Variants in VWA3B observed in about 807,000 individuals in gnomAD.
The protein encoded by VWA3B is von Willebrand factor A domain-containing protein 3B.
Under a neutral mutation model 158.3 loss-of-function variants are expected in VWA3B, and 138 were observed. That is an observed-to-expected ratio of 0.87 (90% confidence interval 0.76 to 1.00). The LOEUF (loss-of-function observed/expected upper bound fraction) is 1.00. VWA3B is among the 50% of genes least tolerant of loss of function. VWA3B has a pLI of 0.00. For synonymous variants in VWA3B, 596 were observed against 587.3 expected (o/e 1.01, Z -0.21); for missense variants, 1,555 against 1,565.1 (o/e 0.99, Z 0.11).
chr2:98,218,847 T>G (rs1684249984), intron 14 of VWA3B, among the ~76,000 whole-genome samples: 1 of 152,218 alleles, frequency 6.6e-6, no homozygotes, highest in East Asian at 1.9e-4. Context: ...ACCAGTGCTT[T>G]AAGCTCACAG....
chr2:98,137,948 C>G (rs551564218), intron 7 of VWA3B, among the ~76,000 whole-genome samples: 1 of 152,190 alleles, frequency 6.6e-6, no homozygotes, highest in African/African-American at 2.4e-5. Flanking sequence ...ATTTTTTCAA[C>G]TACTTTAGTG....
chr2:98,206,706 T>C (rs543838049), intron 12 of VWA3B: 1 of 328,572 alleles, frequency 3.0e-6, no homozygotes. Flanking sequence ...GTGGCTAGTA[T>C]CAAAGTTGTG....
intron 2 of VWA3B, among the ~76,000 whole-genome samples, chr2:98,098,246 TTAAATC>T (rs1682848761): frequency 6.6e-6 from 1 of 152,154 alleles, no homozygotes; most frequent in African/African-American, 2.4e-5. Context: ...AGAGTTCAGT[TTAAATC>T]TAACATTTTC....
intron 7 of VWA3B, among the ~76,000 whole-genome samples, chr2:98,141,295 AGAG>A (rs1158000249): frequency 6.6e-6 from 1 of 152,202 alleles, no homozygotes; most frequent in Admixed American, 6.5e-5. Context: ...TATAAAGAAA[AGAG>A]GTTTATTAGG....
chr2:98,092,860 A>ATATG lies in VWA3B; in HGVS notation c.-32-201_-32-200insTATG, dbSNP rs1553633936. ...TATATATATATATATATATATATAT[A>ATATG]GTTGAATATTGAACTTTATGGATAC... is the stretch of plus-strand genomic sequence containing the variant. On this transcript the variant is annotated intron_variant, in intron 1 of 27. Coordinates refer to ENST00000477737, the MANE Select transcript of VWA3B (RefSeq NM_144992.5). Among the ~76,000 whole-genome samples, 459 of 118,490 alleles carry ATATG rather than the reference A, an allele frequency of 3.9e-3. 1 individual carries two copies. The highest frequency in any genetic ancestry group is 6.1e-3 in the Non-Finnish European group (346 of 56,784). 77.7% of individuals were successfully genotyped at this position (118,490 alleles called of 152,430 possible). A position where few individuals can be genotyped will look rare whatever the true frequency, so the allele number is the denominator to read the frequency against.
At chr2:98,277,179 A>T (rs1397580657) in intron 22 of VWA3B, among the ~76,000 whole-genome samples, 1 of 152,060 alleles carries the variant, frequency 6.6e-6, no homozygotes, top group African/African-American at 2.4e-5. Context: ...GTCCCTGGAG[A>T]TGGCCACTTG....
the VWA3B span, among the ~76,000 whole-genome samples, chr2:98,329,334 T>C: frequency 3.9e-5 from 6 of 152,210 alleles, no homozygotes; most frequent in Non-Finnish European, 8.8e-5. Flanking sequence ...AAAATTGATG[T>C]TTGTCTCCAT....
rs554628107 is a variant in VWA3B, at chr2:98,303,237, GA to G, written c.3421-464del. On this transcript the variant is annotated intron_variant, in intron 25 of 27. Coordinates refer to ENST00000477737, the MANE Select transcript of VWA3B (RefSeq NM_144992.5). ...CTTACCTACAGGACATGGGGCCCTG[GA>G]GGCTAGAGTGGCATGGCCGGGGGCG... 7.0e-4 allele frequency among the ~76,000 whole-genome samples: 107 copies of G among 152,100 alleles called. 3 individuals carry two copies. The South Asian group carries it at 0.021, about 30-fold the overall frequency.
In VWA3B at chr2:98,183,971, C is replaced by T. The variant is rs141287638; in HGVS notation, c.1311+2759C>T. Among the ~76,000 whole-genome samples the T allele has an allele frequency of 2.4e-3, 363 of 152,258 alleles. 1 individual carries two copies. Among genetic ancestry groups the T allele is most frequent in the African/African-American group, 7.8e-3 (324 of 41,518 alleles). On this transcript the variant is annotated intron_variant, in intron 9 of 27. Transcript: ENST00000477737. ...GAGTCAGAATTGAGCATTTATGGAA[C>T]GCTTCTATGCTTTATATTCAAGGTA...
intron 22 of VWA3B, among the ~76,000 whole-genome samples, chr2:98,283,573 T>A (rs886410643): frequency 7.9e-5 from 12 of 152,330 alleles, no homozygotes; most frequent in African/African-American, 2.9e-4. Flanking sequence ...GAAGCTGTGC[T>A]TGGGCATCCC....
intron 8 of VWA3B, among the ~76,000 whole-genome samples, chr2:98,168,376 T>TACACACACACACACACAC (rs148619678): frequency 6.9e-6 from 1 of 145,522 alleles, no homozygotes; most frequent in Non-Finnish European, 1.5e-5. Flanking sequence ...TACACACACA[T>TACACACACACACACACAC]ACACACACAC....
intron 22 of VWA3B, among the ~76,000 whole-genome samples, chr2:98,279,378 C>T (rs946146958): frequency 2.6e-5 from 4 of 152,118 alleles, no homozygotes; most frequent in African/African-American, 9.7e-5. Context: ...GGAGATTCGG[C>T]TGGGCAGATG....
chr2:98,194,685 A>G (rs556573719), intron 12 of VWA3B, among the ~76,000 whole-genome samples, 193 bp downstream of exon 12: 27 of 152,276 alleles, frequency 1.8e-4, no homozygotes, highest in African/African-American at 6.3e-4. Context: ...TAAGGTTTAG[A>G]TGAGCCTCTT....
At chr2:98,172,930 T>C (rs1420883601) in intron 8 of VWA3B, among the ~76,000 whole-genome samples, 1 of 152,188 alleles carries the variant, frequency 6.6e-6, no homozygotes. Flanking sequence ...TATAGACATA[T>C]CAAGCAGGAA....
At chr2:98,251,417 C>G (rs1369415624) in intron 20 of VWA3B, among the ~76,000 whole-genome samples, 1 of 152,128 alleles carries the variant, frequency 6.6e-6, no homozygotes, top group Non-Finnish European at 1.5e-5. Context: ...AGATGATGAT[C>G]ACACACCCTT....
the VWA3B span, among the ~76,000 whole-genome samples, chr2:98,323,463 A>G: frequency 4.6e-5 from 7 of 152,238 alleles, no homozygotes; most frequent in Middle Eastern, 3.4e-3. Context: ...ATTTCAAATT[A>G]TGTATAATTG....
intron 21 of VWA3B, among the ~76,000 whole-genome samples, chr2:98,267,092 G>C (rs1687887816): frequency 6.6e-6 from 1 of 151,728 alleles, no homozygotes; most frequent in Non-Finnish European, 1.5e-5. Context: ...TGTTGAATAG[G>C]AGTGGTGAGA....
At chr2:98,226,365 C>G (rs1002931463) in intron 14 of VWA3B, among the ~76,000 whole-genome samples, 13 of 152,154 alleles carry the variant, frequency 8.5e-5, no homozygotes, top group Admixed American at 8.5e-4. Context: ...AATTGGATAT[C>G]CAAAGGCAAA....
chr2:98,183,509 C>A (rs1680765354), intron 9 of VWA3B, among the ~76,000 whole-genome samples: 1 of 152,150 alleles, frequency 6.6e-6, no homozygotes, highest in Non-Finnish European at 1.5e-5. Flanking sequence ...AGGAGACAAA[C>A]ATGCATTTCT....
Sources: gnomAD v4.1 joint callset for allele counts (sites outside exome capture counted in the v4.1 genomes callset) on GRCh38, gnomAD v4.1.1 for gene constraint, MANE v1.5 for transcripts, NCBI Gene and HGNC (gene_info 2026-07-23, HGNC 2026-07-21) for gene names.